The following ARHGAP39 variants were observed in gnomAD, a reference collection of about 807,000 sequenced individuals.
The protein encoded by ARHGAP39 is rho GTPase-activating protein 39.
In ARHGAP39, 44 loss-of-function variants were observed where a neutral mutation model predicts 106.9. That is an observed-to-expected ratio of 0.41 (90% CI 0.32 to 0.53). The LOEUF (loss-of-function observed/expected upper bound fraction) is 0.53, where lower values mean the gene tolerates loss of function less well. Ranked by LOEUF, ARHGAP39 falls within the 20% of genes least tolerant of loss-of-function variation. ARHGAP39 has a pLI of 0.21. For missense variants in ARHGAP39, 1,496 were observed against 1,577.3 expected, an observed-to-expected ratio of 0.95 and a Z score of 0.87; for synonymous variants, 768 against 693.2, an observed-to-expected ratio of 1.11 and a Z score of -1.69.
chr8:144,688,384 C>T (rs1313048653), upstream of ARHGAP39, among the ~76,000 whole-genome samples: 3 of 152,148 alleles, frequency 2.0e-5, no homozygotes, highest in East Asian at 1.9e-4. Flanking sequence ...GGATTACAGG[C>T]GTGAGCCACC....
chr8:144,580,773 C>A, intron 3 of ARHGAP39, 73 bp downstream of exon 3: 1 of 597,012 alleles, frequency 1.7e-6, no homozygotes, highest in Non-Finnish European at 2.5e-6. Flanking sequence ...GCCCACCACC[C>A]CCTACCTGCC....
chr8:144,640,587 ATGTTTTTATCAGCAGCT>A (rs1248960504), intron 1 of ARHGAP39, among the ~76,000 whole-genome samples: 1 of 152,200 alleles, frequency 6.6e-6, no homozygotes, highest in Non-Finnish European at 1.5e-5. Flanking sequence ...AGTCTCAGGT[ATGTTTTTATCAGCAGCT>A]TGAAAACAGA....
intron 9 of ARHGAP39, 89 bp downstream of exon 9, chr8:144,533,037 C>G (rs1028627889): frequency 4.7e-6 from 7 of 1,487,818 alleles, no homozygotes; most frequent in Non-Finnish European, 5.5e-6. Flanking sequence ...CCCAGTGGGC[C>G]TGAGGCTTAA....
intron 3 of ARHGAP39, among the ~76,000 whole-genome samples, chr8:144,564,906 C>T (rs930171935): frequency 6.6e-6 from 1 of 151,602 alleles, no homozygotes; most frequent in African/African-American, 2.4e-5. Context: ...GTCAGGAGTT[C>T]GAGACCAACC....
upstream of ARHGAP39, among the ~76,000 whole-genome samples, chr8:144,689,185 T>C (rs1822694043): frequency 6.6e-6 from 1 of 151,612 alleles, no homozygotes; most frequent in Non-Finnish European, 1.5e-5. Context: ...CCTAGGGAGG[T>C]GCCCAGGGCT....
intron 2 of ARHGAP39, among the ~76,000 whole-genome samples, chr8:144,600,871 G>C (rs528350065): frequency 1.3e-5 from 2 of 150,858 alleles, no homozygotes; most frequent in East Asian, 3.9e-4. Flanking sequence ...ATGGAAGCGT[G>C]CGTGCGTGCT....
At position 144,585,570 on chromosome 8, in the gene ARHGAP39, A is replaced by G. The variant is rs1397790209; in HGVS notation, c.81-4293T>C. 6.6e-6 allele frequency among the ~76,000 whole-genome samples: 1 copy of G among 152,124 alleles called. No homozygotes were observed. The highest frequency in any genetic ancestry group is 1.5e-5 in the Non-Finnish European group (1 of 68,016). On this transcript the variant is annotated intron_variant, in intron 2 of 11. Coordinates refer to ENST00000377307, the MANE Select transcript of ARHGAP39 (RefSeq NM_025251.3). The surrounding 1 kb of genome is among the most constrained non-coding windows in gnomAD (Gnocchi z 4.6). ...CCTCAGCCCATGATACAAAGTGTCA[A>G]TGACTCCCATCGTTAGAAACACAGG...
intron 9 of ARHGAP39, 78 bp from the exon 10 acceptor site, chr8:144,532,474 G>A (rs781002265): frequency 8.2e-5 from 109 of 1,329,834 alleles, no homozygotes; most frequent in Admixed American, 3.2e-4. Context: ...ACTCCCTCCG[G>A]TAGGCCCCTG....
chr8:144,544,481 T>TGAATGTGTGTGTGTGTGC (rs1466049189), intron 6 of ARHGAP39, among the ~76,000 whole-genome samples: 1 of 152,218 alleles, frequency 6.6e-6, no homozygotes, highest in Non-Finnish European at 1.5e-5. Flanking sequence ...TGTGCGTGCG[T>TGAATGTGTGTGTGTGTGC]GCATGTGTGT....
At chr8:144,637,502 C>T (rs534824624) in intron 1 of ARHGAP39, among the ~76,000 whole-genome samples, 1 of 152,238 alleles carries the variant, frequency 6.6e-6, no homozygotes, top group African/African-American at 2.4e-5. Flanking sequence ...CCCAGCTACT[C>T]AGGAGGTTGA....
intron 1 of ARHGAP39, among the ~76,000 whole-genome samples, chr8:144,616,545 C>T (rs555848674): frequency 6.6e-6 from 1 of 152,164 alleles, no homozygotes. Flanking sequence ...CCAAGCTGAG[C>T]CCCCCAAGCC....
chr8:144,585,352 C>T lies in ARHGAP39; in HGVS notation c.81-4075G>A, dbSNP rs536840625. Among the ~76,000 whole-genome samples the T allele has an allele frequency of 1.4e-4, 21 of 151,688 alleles. No homozygotes were observed. Among genetic ancestry groups the T allele is most frequent in the African/African-American group, 3.9e-4 (16 of 41,362 alleles). On this transcript the variant is annotated intron_variant, in intron 2 of 11. Coordinates refer to ENST00000377307, the MANE Select transcript of ARHGAP39 (RefSeq NM_025251.3). The surrounding 1 kb of genome is among the most constrained non-coding windows in gnomAD (Gnocchi z 4.6). ...CCAGGGGTTCCCAGCACCAGCTCAC[C>T]GAGAACCTGGAGGGGCCAGCCAAGG...
chr8:144,555,557 T>C lies in ARHGAP39; in HGVS notation c.596+3A>G. On this transcript the variant is annotated splice_donor_region_variant and intron_variant, in intron 4 of 11. Transcript: ENST00000377307. The stretch of plus-strand genomic sequence containing the variant: ...ACGGCCACGCCTGAGAGATGGGTTC[T>C]ACCTGTAGTGAAGAAGCTGGCCGTC... 2 of 1,613,576 alleles carry C rather than the reference T, an allele frequency of 1.2e-6. No homozygotes were observed. Among genetic ancestry groups the C allele is most frequent in the Non-Finnish European group, 1.7e-6 (2 of 1,179,664 alleles).
At chr8:144,539,636 C>T (rs552305932) in intron 6 of ARHGAP39, among the ~76,000 whole-genome samples, 8 of 152,238 alleles carry the variant, frequency 5.3e-5, no homozygotes, top group East Asian at 3.9e-4. Context: ...TTTGGATATC[C>T]GGTTTTCCCA....
intron 3 of ARHGAP39, among the ~76,000 whole-genome samples, chr8:144,566,381 T>C (rs1056773577): frequency 2.6e-5 from 4 of 151,954 alleles, no homozygotes; most frequent in African/African-American, 9.7e-5. Flanking sequence ...CTGGGCAACA[T>C]GGTAAAACCC....
At chr8:144,611,728 G>T (rs1488166760) in intron 1 of ARHGAP39, among the ~76,000 whole-genome samples, 1 of 152,128 alleles carries the variant, frequency 6.6e-6, no homozygotes, top group South Asian at 2.1e-4. Context: ...TAAATTTAAA[G>T]AGGGTGGCAA....
intron 4 of ARHGAP39, among the ~76,000 whole-genome samples, chr8:144,555,090 C>T (rs760321861): frequency 2.0e-5 from 3 of 152,200 alleles, no homozygotes; most frequent in South Asian, 2.1e-4. Context: ...GCCCGCCCAG[C>T]GTGAAGGCAG....
Position 144,545,688 on chromosome 8 carries a change from G to T in ARHGAP39, c.2082C>A (p.Ile694=). The T allele has an allele frequency of 1.9e-6, 3 of 1,613,352 alleles. No individual in the cohort carries two copies. The highest frequency in any genetic ancestry group is 1.7e-6 in the Non-Finnish European group (2 of 1,180,006). Residue 694 remains isoleucine, a synonymous_variant, in exon 6 of 12, where the codon ATC becomes ATA. Transcript: ENST00000377307. ...TGAAGTGCTTGGAGGCCCAGTTCTC[G>T]ATGTCCGTCTCCGAGGAGGGCTTGC... is the stretch of plus-strand genomic sequence containing the variant. ...TLRKPSSETD[I]ENWASKHFNK...
rs1326886544 is a variant in ARHGAP39, at chr8:144,670,196, C to G, written c.-82+15490G>C. On this transcript the variant is annotated intron_variant, in intron 1 of 11. Transcript: ENST00000377307. The surrounding 1 kb of genome is among the most constrained non-coding windows in gnomAD (Gnocchi z 4.4). Reference sequence around the variant, plus strand: ...GGGACCAGGCGGCTGTAAAAAGCAACAGAGCTCGGACGCATGCTAGAGCGT... The same window carrying G: ...GGGACCAGGCGGCTGTAAAAAGCAAGAGAGCTCGGACGCATGCTAGAGCGT... Among the ~76,000 whole-genome samples the G allele has an allele frequency of 6.6e-6, 1 of 152,330 alleles. No individual in the cohort carries two copies.
Sources: allele counts gnomAD v4.1 joint callset (sites outside exome capture counted in the v4.1 genomes callset), GRCh38; gene constraint gnomAD v4.1.1; non-coding constraint Gnocchi (gnomAD v3.1); transcripts MANE v1.5; gene names NCBI Gene and HGNC (gene_info 2026-07-23, HGNC 2026-07-21).